Variants in SYNM observed in about 807,000 individuals in gnomAD.
The protein encoded by SYNM is desmuslin.
A neutral mutation model predicts 104.0 loss-of-function variants in SYNM; 95 were observed. That is an observed-to-expected ratio of 0.91 (90% CI 0.77 to 1.08). SYNM has a LOEUF of 1.08. SYNM is among the 50% of genes least tolerant of loss of function. The pLI, the probability that SYNM is intolerant of heterozygous loss-of-function variation, is 0.00. For synonymous variants in SYNM, 918 were observed against 869.0 expected (o/e 1.06, Z -0.99); for missense variants, 2,150 against 2,052.2 (o/e 1.05, Z -0.92).
At position 99,130,899 on chromosome 15, in the gene SYNM, G is replaced by A. The variant is rs1457350945; in HGVS notation, c.2539G>A (p.Gly847Ser). The change falls in exon 4 of 4, where the codon GGC (glycine) becomes AGC (serine). Residue 847 changes from glycine to serine, a missense_variant. Transcript: ENST00000336292. ...CCCCGGGGGGCACGACAGAGATGAC[G>A]GCTCGGTGTACGGGCAGATCCACAT... ...EHPGGHDRDD[G>S]SVYGQIHIEE... is the part of the protein sequence containing the mutation. The A allele has an allele frequency of 2.9e-5, 47 of 1,613,794 alleles. No individual in the cohort carries two copies. The highest frequency in any genetic ancestry group is 3.6e-5 in the Non-Finnish European group (42 of 1,179,878).
downstream of SYNM, chr15:99,139,308 C>G (rs187809618): frequency 1.4e-5 from 22 of 1,611,064 alleles, no homozygotes; most frequent in Admixed American, 3.0e-4. Flanking sequence ...GTGAGGGACG[C>G]CAACTCACGT....
chr15:99,135,709 C>A (rs2067565719), downstream of SYNM: 1 of 152,250 alleles, frequency 6.6e-6, no homozygotes, highest in African/African-American at 2.4e-5. Flanking sequence ...AATTACTGGG[C>A]AGAATATATA....
At chr15:99,106,058 C>G (rs1180888482) in intron 1 of SYNM, 49 bp downstream of exon 1, 1 of 1,376,800 alleles carries the variant, frequency 7.3e-7, no homozygotes, top group Non-Finnish European at 9.3e-7. Flanking sequence ...TGCCGTCGCC[C>G]CAGCACCCTG....
chr15:99,132,453 G>A lies in SYNM; in HGVS notation c.4093G>A (p.Val1365Ile), dbSNP rs375045312. The A allele has an allele frequency of 4.0e-4, 653 of 1,613,972 alleles. 2 individuals are homozygous for A. In the African/African-American group the frequency reaches 7.0e-3, roughly 17 times the overall value. Reference sequence around the variant, plus strand: ...CAGTCATACCTCGGGTAGACAAACCGTTATGACTGAAAAGAGCACCTTCCA... The same window carrying A: ...CAGTCATACCTCGGGTAGACAAACCATTATGACTGAAAAGAGCACCTTCCA... ...THSHTSGRQTVMTEKSTFQSV... is the reference protein window; with the variant it reads ...THSHTSGRQTIMTEKSTFQSV... The change falls in exon 4 of 4, where the codon GTT becomes ATT. Residue 1365 changes from valine (V) to isoleucine (I), a missense_variant. Physicochemically the swap from Val to Ile is conservative, Grantham distance 29. Coordinates refer to ENST00000336292, the MANE Select transcript of SYNM (RefSeq NM_145728.3).
intron 2 of SYNM, among the ~76,000 whole-genome samples, chr15:99,118,256 A>G (rs1247032222): frequency 6.6e-6 from 1 of 152,270 alleles, no homozygotes; most frequent in African/African-American, 2.4e-5. Flanking sequence ...AACCCTCGTC[A>G]TCCTCGATGT....
rs142629386 is a variant in SYNM, at chr15:99,132,240, G to A, written c.3880G>A (p.Asp1294Asn). The A allele has an allele frequency of 0.013, 20,372 of 1,610,378 alleles. 494 individuals carry two copies. Among genetic ancestry groups the A allele is most frequent in the Admixed American group, 0.11 (6,356 of 59,820 alleles). Residue 1294 changes from aspartate (D) to asparagine (N), a missense_variant, in exon 4 of 4, where the codon GAT (aspartate) becomes AAT (asparagine). Transcript: ENST00000336292. The part of the protein sequence containing the change: ...SDKVELGVIG[D>N]SVHMEGLPGS... ...CAAGGTGGAGTTGGGTGTCATAGGAGATTCTGTACACATGGAAGGGTTGCC... is the reference window on the plus strand; with the variant it reads ...CAAGGTGGAGTTGGGTGTCATAGGAAATTCTGTACACATGGAAGGGTTGCC...
Position 99,126,728 on chromosome 15 carries a change from A to G in SYNM, c.942A>G (p.Leu314=). Residue 314 remains leucine, a synonymous_variant, in exon 3 of 4, where the codon TTA becomes TTG. Coordinates refer to ENST00000336292, the MANE Select transcript of SYNM (RefSeq NM_145728.3). ...TTGTAAATTATTTTTACAGGGCCTT[A>G]TTGGAAGGAGAAAGTAATCCAGAGA... The part of the protein sequence containing the change: ...LSLEVATYRA[L]LEGESNPEIV... 6 of 1,578,162 alleles carry G rather than the reference A, an allele frequency of 3.8e-6. No homozygotes were observed. Among genetic ancestry groups the G allele is most frequent in the Non-Finnish European group, 5.2e-6 (6 of 1,161,074 alleles).
chr15:99,113,503 T>C, intron 1 of SYNM, 88 bp from the exon 2 acceptor site: 1 of 1,549,782 alleles, frequency 6.5e-7, no homozygotes, highest in Non-Finnish European at 8.8e-7. Flanking sequence ...TGGTCTGTTT[T>C]TCAATTCGAT....
chr15:99,122,065 C>G (rs541255466), intron 2 of SYNM, among the ~76,000 whole-genome samples: 1 of 152,332 alleles, frequency 6.6e-6, no homozygotes, highest in South Asian at 2.1e-4. Context: ...TAGGAAAATG[C>G]AATGCAGAGA....
At position 99,134,961 on chromosome 15, in the gene SYNM, A is replaced by G. The variant is rs1178154280; in HGVS notation, c.*1903A>G. On this transcript the variant is annotated 3_prime_UTR_variant, in exon 4 of 4. Transcript: ENST00000336292. ...TGATTTTGTTTTAGCTGTAACAGGT[A>G]ATGGTTTTTGGATAGATGATTGACT... 5 of 152,370 alleles carry G rather than the reference A, an allele frequency of 3.3e-5. No individual in the cohort carries two copies. The highest frequency in any genetic ancestry group is 9.6e-5 in the African/African-American group (4 of 41,552). 9.4% of individuals were successfully genotyped at this position (152,370 alleles called of 1,614,324 possible). A position where few individuals can be genotyped will look rare whatever the true frequency, so the allele number is the denominator to read the frequency against.
chr15:99,138,026 C>T (rs2067727635), downstream of SYNM: 4 of 1,613,894 alleles, frequency 2.5e-6, no homozygotes, highest in African/African-American at 1.3e-5. Context: ...TGCTGTTGTG[C>T]CGGGCCGGGC....
intron 2 of SYNM, among the ~76,000 whole-genome samples, chr15:99,117,001 A>T (rs2067355755): frequency 7.0e-6 from 1 of 143,730 alleles, no homozygotes; most frequent in African/African-American, 2.5e-5. Context: ...AAACAACCAG[A>T]TCTCATGTGG....
intron 1 of SYNM, among the ~76,000 whole-genome samples, chr15:99,108,659 C>T (rs533419498): frequency 9.0e-4 from 137 of 152,282 alleles, no homozygotes; most frequent in African/African-American, 3.1e-3. Flanking sequence ...ACCAGTGTTA[C>T]GAAGTGGGTA....
chr15:99,132,156 C>T lies in SYNM; in HGVS notation c.3796C>T (p.Gln1266Ter). The change falls in exon 4 of 4, where the codon CAG (glutamine) becomes TAG (stop). Residue 1266 changes from glutamine to a stop codon, truncating the protein, a stop_gained. Coordinates refer to ENST00000336292, the MANE Select transcript of SYNM (RefSeq NM_145728.3). LOFTEE classifies it high-confidence loss of function. ...TACCCAGACTTCTGTCAGGCAACTC[C>T]AGTTAGGCCCTAAAGAAGGGTTCAG... ...VGTQTSVRQL[Q>*]LGPKEGFSGQ... is the part of the protein sequence containing the mutation. 1.2e-6 allele frequency: 2 copies of T among 1,613,968 alleles called. No homozygotes were observed. The highest frequency in any genetic ancestry group is 1.7e-6 in the Non-Finnish European group (2 of 1,179,838).
At chr15:99,109,967 ATCACTGT>A (rs2067286558) in intron 1 of SYNM, among the ~76,000 whole-genome samples, 1 of 152,158 alleles carries the variant, frequency 6.6e-6, no homozygotes, top group Non-Finnish European at 1.5e-5. Context: ...GCTTAGTGGA[ATCACTGT>A]TGCTGCTGTT....
intron 2 of SYNM, among the ~76,000 whole-genome samples, chr15:99,122,769 G>A (rs2151805165): frequency 6.6e-6 from 1 of 152,308 alleles, no homozygotes; most frequent in African/African-American, 2.4e-5. Context: ...AGCCCAGGAG[G>A]CAGAGATTGC....
In SYNM at chr15:99,132,207, C is replaced by T. The variant is rs937655971; in HGVS notation, c.3847C>T (p.Leu1283Phe). The part of the protein sequence containing the change: ...FSGQIQFTAP[L>F]SDKVELGVIG... ...TGGGCAAATCCAGTTCACAGCTCCACTTTCAGACAAGGTGGAGTTGGGTGT... is the reference window on the plus strand; with the variant it reads ...TGGGCAAATCCAGTTCACAGCTCCATTTTCAGACAAGGTGGAGTTGGGTGT... Residue 1283 changes from leucine to phenylalanine, a missense_variant, in exon 4 of 4, where the codon CTT becomes TTT. Coordinates refer to ENST00000336292, the MANE Select transcript of SYNM (RefSeq NM_145728.3). 1 of 1,613,036 alleles carries T rather than the reference C, an allele frequency of 6.2e-7. No individual in the cohort carries two copies. Among genetic ancestry groups the T allele is most frequent in the African/African-American group, 1.3e-5 (1 of 75,004 alleles).
downstream of SYNM, chr15:99,137,704 C>T (rs1391843459): frequency 2.8e-6 from 1 of 355,380 alleles, no homozygotes; most frequent in Non-Finnish European, 5.3e-6. Flanking sequence ...GCACAGGGCG[C>T]ACTGAACTGT....
intron 2 of SYNM, among the ~76,000 whole-genome samples, chr15:99,125,387 G>A (rs1202041385): frequency 6.6e-6 from 1 of 152,246 alleles, no homozygotes; most frequent in Non-Finnish European, 1.5e-5. Context: ...GGATTAATGG[G>A]TTGGTGTCCT....
Sources: allele counts gnomAD v4.1 joint callset (sites outside exome capture counted in the v4.1 genomes callset), GRCh38; gene constraint gnomAD v4.1.1; transcripts MANE v1.5; gene names NCBI Gene and HGNC (gene_info 2026-07-23, HGNC 2026-07-21).